DSCAML1: variants seen among roughly 807,000 people sequenced by gnomAD.
DSCAML1 encodes DS cell adhesion molecule like 1.
In DSCAML1, 38 loss-of-function variants were observed where a neutral mutation model predicts 200.5. The ratio of observed to expected loss-of-function variants is 0.19; its 90% confidence interval spans 0.15 to 0.25. DSCAML1 has a LOEUF of 0.25. DSCAML1 is among the 10% of genes least tolerant of loss of function. The pLI, the probability that DSCAML1 is intolerant of heterozygous loss-of-function variation, is 1.00. For synonymous variants in DSCAML1, 1,215 were observed against 1,165.0 expected (o/e 1.04, Z -0.87); for missense variants, 2,223 against 2,858.8 (o/e 0.78, Z 5.07).
At chr11:117,454,217 A>G (rs75596419) in intron 19 of DSCAML1, among the ~76,000 whole-genome samples, 1 of 152,262 alleles carries the variant, frequency 6.6e-6, no homozygotes, top group African/African-American at 2.4e-5. Flanking sequence ...ACCCGGGAGC[A>G]CGTTAGAAGT....
intron 4 of DSCAML1, among the ~76,000 whole-genome samples, chr11:117,531,957 AGG>A (rs1471319953): frequency 5.7e-5 from 3 of 52,652 alleles, no homozygotes; most frequent in African/African-American, 2.3e-4. Context: ...GGAGGGAGGG[AGG>A]GAGGGAGGGA....
intron 1 of DSCAML1, among the ~76,000 whole-genome samples, chr11:117,804,827 G>C (rs1215933068): frequency 6.6e-6 from 1 of 152,180 alleles, no homozygotes; most frequent in Non-Finnish European, 1.5e-5. Flanking sequence ...CTACTCGGGA[G>C]GTTGAGGTGG....
chr11:117,807,831 G>T (rs903929945), intron 1 of DSCAML1, among the ~76,000 whole-genome samples: 3 of 152,128 alleles, frequency 2.0e-5, no homozygotes, highest in Non-Finnish European at 2.9e-5. Context: ...GGCTTTCGTC[G>T]GAGTTAAAAA....
At chr11:117,733,995 C>T (rs1420620472) in intron 3 of DSCAML1, among the ~76,000 whole-genome samples, 2 of 151,532 alleles carry the variant, frequency 1.3e-5, no homozygotes, top group Non-Finnish European at 2.9e-5. Flanking sequence ...AGTCATCTTC[C>T]TCTGGGCCTC....
At chr11:117,492,712 CG>C (rs1555176877) in intron 11 of DSCAML1, among the ~76,000 whole-genome samples, 1 of 152,156 alleles carries the variant, frequency 6.6e-6, no homozygotes, top group Non-Finnish European at 1.5e-5. Context: ...GTTGGCGCGC[CG>C]GGTGGTCGGC....
chr11:117,667,370 C>CACTG (rs2053000626), intron 3 of DSCAML1, among the ~76,000 whole-genome samples: 1 of 152,198 alleles, frequency 6.6e-6, no homozygotes, highest in African/African-American at 2.4e-5. Flanking sequence ...CAAGATGGCA[C>CACTG]CACTGCACTC....
intron 3 of DSCAML1, among the ~76,000 whole-genome samples, chr11:117,643,517 GATT>G (rs1273042455): frequency 1.3e-5 from 2 of 152,214 alleles, no homozygotes; most frequent in African/African-American, 4.8e-5. Flanking sequence ...GAGGGTGAGA[GATT>G]TTTTCTGAAT....
At chr11:117,664,889 C>T (rs2052940958) in intron 3 of DSCAML1, among the ~76,000 whole-genome samples, 1 of 152,210 alleles carries the variant, frequency 6.6e-6, no homozygotes, top group Non-Finnish European at 1.5e-5. Context: ...GTCCCTTTCA[C>T]GGCCGCGTGT....
At chr11:117,667,102 C>T (rs2052994015) in intron 3 of DSCAML1, among the ~76,000 whole-genome samples, 1 of 152,156 alleles carries the variant, frequency 6.6e-6, no homozygotes, top group Non-Finnish European at 1.5e-5. Context: ...GACAAGGAGC[C>T]TGCTCTCCTG....
intron 8 of DSCAML1, among the ~76,000 whole-genome samples, chr11:117,507,590 G>T (rs1043654654): frequency 1.1e-4 from 16 of 152,146 alleles, no homozygotes; most frequent in African/African-American, 3.9e-4. Flanking sequence ...GGGCCCTCAG[G>T]TGACCCTTCC....
At chr11:117,687,261 T>C (rs1047078843) in intron 3 of DSCAML1, among the ~76,000 whole-genome samples, 1 of 152,078 alleles carries the variant, frequency 6.6e-6, no homozygotes, top group Non-Finnish European at 1.5e-5. Context: ...GTTTATTTTT[T>C]ATTTTTTAAT....
Position 117,431,690 on chromosome 11 carries a change from T to C in DSCAML1, c.5218A>G (p.Thr1740Ala). The change falls in exon 31 of 33, where the codon ACC becomes GCC. Residue 1740 changes from threonine to alanine, a missense_variant. Coordinates refer to ENST00000651296, the MANE Select transcript of DSCAML1 (RefSeq NM_020693.4). ...SRKNVKSAHS[T>A]RNRYSSQWTL... Reference sequence around the variant, plus strand: ...CACTGGCTTGAGTACCGGTTCCGGGTGCTGTGGGCTGACTTCACATTCTTC... The same window carrying C: ...CACTGGCTTGAGTACCGGTTCCGGGCGCTGTGGGCTGACTTCACATTCTTC... 1.9e-6 allele frequency: 3 copies of C among 1,603,252 alleles called. No individual in the cohort carries two copies. The highest frequency in any genetic ancestry group is 2.6e-6 in the Non-Finnish European group (3 of 1,173,708).
chr11:117,585,014 A>G (rs1591294077), intron 3 of DSCAML1, among the ~76,000 whole-genome samples: 1 of 152,214 alleles, frequency 6.6e-6, no homozygotes. Context: ...ATTCCCAGTT[A>G]GTAGTGAATG....
rs1395421443 is a variant in DSCAML1 at position 117,463,886 on chromosome 11, A to G, written c.3265+1056T>C. Among the ~76,000 whole-genome samples, 1 of 152,210 alleles carries G rather than the reference A, an allele frequency of 6.6e-6. No individual in the cohort carries two copies. Among genetic ancestry groups the G allele is most frequent in the African/African-American group, 2.4e-5 (1 of 41,452 alleles). On this transcript the variant is annotated intron_variant, in intron 17 of 32. Coordinates refer to ENST00000651296, the MANE Select transcript of DSCAML1 (RefSeq NM_020693.4). The surrounding 1 kb of genome is among the most constrained non-coding windows in gnomAD (Gnocchi z 4.0). The stretch of plus-strand genomic sequence containing the variant: ...TGAAGCCTGGCATCAGTATTTTGAA[A>G]GTTCCCCAGATAATGCCAACTGGTG...
intron 1 of DSCAML1, among the ~76,000 whole-genome samples, chr11:117,795,233 T>C (rs940156168): frequency 3.3e-5 from 5 of 151,604 alleles, no homozygotes; most frequent in African/African-American, 9.7e-5. Flanking sequence ...CATGGGGGAG[T>C]TGGGGACAAA....
chr11:117,776,661 A>G, intron 3 of DSCAML1, 130 bp downstream of exon 3: 2 of 1,136,002 alleles, frequency 1.8e-6, no homozygotes, highest in Non-Finnish European at 2.5e-6. Flanking sequence ...CACCAGAACA[A>G]TAACAAGTCA....
At chr11:117,755,908 C>T (rs1181798055) in intron 3 of DSCAML1, among the ~76,000 whole-genome samples, 2 of 152,114 alleles carry the variant, frequency 1.3e-5, no homozygotes, top group Admixed American at 1.3e-4. Context: ...TCCTGCCATA[C>T]CCACTACCAT....
At chr11:117,441,902 C>T (rs183645337) in intron 21 of DSCAML1, among the ~76,000 whole-genome samples, 3 of 152,256 alleles carry the variant, frequency 2.0e-5, no homozygotes, top group East Asian at 1.9e-4. Context: ...CAGAGTTTCT[C>T]CAGAGATCAG....
intron 4 of DSCAML1, among the ~76,000 whole-genome samples, chr11:117,528,196 TAAAC>T (rs1469607677): frequency 2.0e-5 from 3 of 151,992 alleles, no homozygotes; most frequent in East Asian, 3.9e-4. Flanking sequence ...ATGGCTGGGA[TAAAC>T]AAACCCAGTG....
Sources: allele counts gnomAD v4.1 joint callset (sites outside exome capture counted in the v4.1 genomes callset), GRCh38; gene constraint gnomAD v4.1.1; non-coding constraint Gnocchi (gnomAD v3.1); transcripts MANE v1.5; gene names NCBI Gene and HGNC (gene_info 2026-07-23, HGNC 2026-07-21).